ROBO2: variants seen among roughly 807,000 people sequenced by gnomAD.
ROBO2 encodes roundabout guidance receptor 2.
Under a neutral mutation model 160.8 loss-of-function variants are expected in ROBO2, and 53 were observed. That is an observed-to-expected ratio of 0.33 (90% confidence interval 0.26 to 0.41). ROBO2 has a LOEUF of 0.41. ROBO2 is among the 10% of genes least tolerant of loss of function. The pLI, the probability that ROBO2 is intolerant of heterozygous loss-of-function variation, is 1.00. For missense variants in ROBO2, 1,577 were observed against 1,722.4 expected (o/e 0.92, Z 1.49); for synonymous variants, 664 against 611.7 (o/e 1.09, Z -1.26).
chr3:76,395,031 C>T (rs1328564170), intron 2 of ROBO2, among the ~76,000 whole-genome samples: 1 of 152,078 alleles, frequency 6.6e-6, no homozygotes, highest in Non-Finnish European at 1.5e-5. Context: ...ACATTTTTTT[C>T]AGCACCGCAC....
chr3:76,399,270 T>C (rs939738947), intron 2 of ROBO2, among the ~76,000 whole-genome samples: 1 of 146,136 alleles, frequency 6.8e-6, no homozygotes, highest in Non-Finnish European at 1.5e-5. Context: ...GACAACTGTC[T>C]GCTGTGTGCC....
At chr3:76,758,735 C>T (rs1014177301) in intron 2 of ROBO2, among the ~76,000 whole-genome samples, 8 of 151,844 alleles carry the variant, frequency 5.3e-5, no homozygotes, top group African/African-American at 9.7e-5. Flanking sequence ...TAGACCATCA[C>T]GTCTGCTACT....
At chr3:76,829,974 CTA>C (rs1318259008) in intron 2 of ROBO2, among the ~76,000 whole-genome samples, 2 of 152,156 alleles carry the variant, frequency 1.3e-5, no homozygotes, top group Non-Finnish European at 2.9e-5. Context: ...AGCCTAGATG[CTA>C]TGTTTTTTAA....
chr3:76,657,368 T>C (rs2091584839), intron 2 of ROBO2, among the ~76,000 whole-genome samples: 1 of 151,452 alleles, frequency 6.6e-6, no homozygotes, highest in Non-Finnish European at 1.5e-5. Flanking sequence ...AAGCTTGCAG[T>C]GAGCCGAGAT....
At chr3:75,966,752 C>G (rs1180250967) in intron 2 of ROBO2, among the ~76,000 whole-genome samples, 20 of 151,728 alleles carry the variant, frequency 1.3e-4, no homozygotes, top group Non-Finnish European at 8.9e-5. Flanking sequence ...CTCTGTTGCC[C>G]TCACTTTTCT....
intron 2 of ROBO2, among the ~76,000 whole-genome samples, chr3:77,140,543 T>C (rs956929957): frequency 6.6e-6 from 1 of 152,184 alleles, no homozygotes; most frequent in African/African-American, 2.4e-5. Flanking sequence ...AGTATGGTGG[T>C]AACTGGGTGC....
intron 2 of ROBO2, among the ~76,000 whole-genome samples, chr3:76,210,082 G>C (rs1051750469): frequency 6.6e-6 from 1 of 152,064 alleles, no homozygotes; most frequent in African/African-American, 2.4e-5. Context: ...CCATTAAAAT[G>C]AAAACTGCAG....
intron 2 of ROBO2, among the ~76,000 whole-genome samples, chr3:76,512,577 T>A (rs2081154562): frequency 6.6e-6 from 1 of 152,092 alleles, no homozygotes; most frequent in Admixed American, 6.6e-5. Context: ...GCCTGTAAAT[T>A]CAGTCAGGAA....
At chr3:76,814,100 G>A (rs1484325217) in intron 2 of ROBO2, among the ~76,000 whole-genome samples, 1 of 151,982 alleles carries the variant, frequency 6.6e-6, no homozygotes, top group African/African-American at 2.4e-5. Context: ...AAACTAGATG[G>A]GCAAATTAAA....
exon 26 of ROBO2, chr3:77,646,377 C>T (rs1167117019): frequency 7.7e-6 from 2 of 259,336 alleles, no homozygotes; most frequent in Non-Finnish European, 1.4e-5. Flanking sequence ...CTCTTTTTAG[C>T]TCTGCTCATA....
chr3:76,170,254 T>C (rs1400802219), intron 2 of ROBO2, among the ~76,000 whole-genome samples: 1 of 152,210 alleles, frequency 6.6e-6, no homozygotes. Context: ...CTGGCATTTT[T>C]CAATTCCCTT....
At position 77,522,910 on chromosome 3, in the gene ROBO2, A is replaced by G. The variant is rs1241211398; in HGVS notation, c.934+8A>G. 1 of 1,608,782 alleles carries G rather than the reference A, an allele frequency of 6.2e-7. No homozygotes were observed. The highest frequency in any genetic ancestry group is 1.7e-5 in the Admixed American group (1 of 59,688). On this transcript the variant is annotated splice_region_variant and intron_variant, in intron 6 of 25. Coordinates refer to ENST00000461745, the Ensembl canonical transcript of ROBO2. ...CTACACTCACCGTCCGAGGTAAGAG[A>G]TTTAAGATGTCAAAGATAATTGAAC...
intron 2 of ROBO2, among the ~76,000 whole-genome samples, chr3:76,059,250 G>C (rs1470391295): frequency 1.3e-5 from 2 of 151,418 alleles, no homozygotes; most frequent in East Asian, 3.9e-4. Context: ...GGTTGAACTA[G>C]TTTACAGTCC....
intron 2 of ROBO2, among the ~76,000 whole-genome samples, chr3:76,575,020 G>C (rs2085199798): frequency 6.6e-6 from 1 of 152,088 alleles, no homozygotes; most frequent in South Asian, 2.1e-4. Context: ...TTCTTGCTCA[G>C]TGAAACGGAG....
intron 2 of ROBO2, among the ~76,000 whole-genome samples, chr3:76,446,959 A>G (rs144747457): frequency 0.017 from 2,606 of 152,318 alleles, 60 homozygotes; most frequent in African/African-American, 0.054. Context: ...CCTAGGCAAT[A>G]CCATTCAGGA....
chr3:77,487,895 T>C (rs1014544625), intron 4 of ROBO2, among the ~76,000 whole-genome samples: 4 of 152,192 alleles, frequency 2.6e-5, no homozygotes, highest in African/African-American at 2.4e-5. Flanking sequence ...CACACAGTGA[T>C]TGACAATTTT....
At chr3:77,183,225 A>T (rs1006068956) in intron 2 of ROBO2, among the ~76,000 whole-genome samples, 4 of 152,070 alleles carry the variant, frequency 2.6e-5, no homozygotes, top group African/African-American at 9.7e-5. Flanking sequence ...AGCTTTAAAA[A>T]TTTCAGGAAA....
intron 2 of ROBO2, among the ~76,000 whole-genome samples, chr3:76,817,973 A>G (rs1427468976): frequency 6.6e-6 from 1 of 151,904 alleles, no homozygotes; most frequent in Admixed American, 6.6e-5. Flanking sequence ...GTGTGCAAGT[A>G]TCATTTTTGT....
At chr3:76,703,986 T>G (rs145372403) in intron 2 of ROBO2, among the ~76,000 whole-genome samples, 1 of 135,446 alleles carries the variant, frequency 7.4e-6, no homozygotes, top group Non-Finnish European at 1.5e-5. Context: ...TAGTACTTCT[T>G]TTTTTTTTTC....
Sources: gnomAD v4.1 joint callset for allele counts (sites outside exome capture counted in the v4.1 genomes callset) on GRCh38, gnomAD v4.1.1 for gene constraint, MANE v1.5 for transcripts, NCBI Gene and HGNC (gene_info 2026-07-23, HGNC 2026-07-21) for gene names.